The following HMGA2 variants were observed in gnomAD, a reference collection of about 807,000 sequenced individuals.
HMGA2 encodes high mobility group protein HMGI-C.
HMGA2 carries 8 observed loss-of-function variants against 19.1 expected under a neutral mutation model. That is an observed-to-expected ratio of 0.42 (90% CI 0.25 to 0.76). The LOEUF (loss-of-function observed/expected upper bound fraction) is 0.76, where lower values mean the gene tolerates loss of function less well. HMGA2 is among the 30% of genes least tolerant of loss of function. HMGA2 has a pLI of 0.28. For missense variants in HMGA2, 109 were observed against 136.3 expected (o/e 0.80, Z 1.00); for synonymous variants, 60 against 48.8 (o/e 1.23, Z -0.96).
intron 3 of HMGA2, among the ~76,000 whole-genome samples, chr12:65,848,582 T>C (rs914084683): frequency 5.3e-5 from 8 of 152,002 alleles, no homozygotes; most frequent in African/African-American, 1.9e-4. Flanking sequence ...TAAGGCCGGG[T>C]GCGGTGGCTC....
Position 65,951,407 on chromosome 12 carries a change from C to A in HMGA2, c.274C>A (p.Pro92Thr). 2 of 1,529,630 alleles carry A rather than the reference C, an allele frequency of 1.3e-6. No homozygotes were observed. Among genetic ancestry groups the A allele is most frequent in the Non-Finnish European group, 1.8e-6 (2 of 1,130,002 alleles). The allele number at this position is 1,529,630 out of a possible 1,614,324, so 94.8% of individuals were successfully genotyped here. Residue 92 changes from proline to threonine, a missense_variant, in exon 4 of 5, where the codon CCT becomes ACT. By Grantham distance (38) the Pro-to-Thr change is conservative. Coordinates refer to ENST00000403681, the MANE Select transcript of HMGA2 (RefSeq NM_003483.6). ...GCCACAACAAGTTGTTCAGAAGAAG[C>A]CTGCTCAGGTAAGACATAGTCATTA... ...KWPQQVVQKK[P>T]AQEETEETSS...
At chr12:65,897,857 A>G (rs959438614) in intron 3 of HMGA2, among the ~76,000 whole-genome samples, 5 of 151,750 alleles carry the variant, frequency 3.3e-5, no homozygotes, top group Non-Finnish European at 5.9e-5. Context: ...CAGCTACTTG[A>G]GAGGCTGAGG....
intron 3 of HMGA2, among the ~76,000 whole-genome samples, chr12:65,886,987 T>G (rs1234257022): frequency 6.6e-6 from 1 of 152,216 alleles, no homozygotes; most frequent in Non-Finnish European, 1.5e-5. Flanking sequence ...TTCTTGGGAT[T>G]AATGACTGAG....
At chr12:65,913,389 T>C (rs1874929005) in intron 3 of HMGA2, among the ~76,000 whole-genome samples, 2 of 152,164 alleles carry the variant, frequency 1.3e-5, no homozygotes, top group Non-Finnish European at 2.9e-5. Context: ...CTGAGTCCAA[T>C]AAGTGCAATC....
At chr12:65,960,278 G>A (rs75828999) in intron 4 of HMGA2, among the ~76,000 whole-genome samples, 3,035 of 152,280 alleles carry the variant, frequency 0.02, 109 homozygotes, top group African/African-American at 0.069. Context: ...CTTTGGGGAT[G>A]TCGGAGCCAG....
chr12:65,833,961 C>T (rs994045598), intron 2 of HMGA2, among the ~76,000 whole-genome samples: 1 of 152,144 alleles, frequency 6.6e-6, no homozygotes, highest in African/African-American at 2.4e-5. Context: ...GTGCTAAATG[C>T]CATAGCTTTT....
At chr12:65,856,097 T>A (rs1871728031) in intron 3 of HMGA2, 1 of 152,220 alleles carries the variant, frequency 6.6e-6, no homozygotes, top group Admixed American at 6.5e-5. Context: ...CAGCATATGC[T>A]GCTGTTGCTT....
intron 3 of HMGA2, among the ~76,000 whole-genome samples, chr12:65,936,486 C>T (rs1038503005): frequency 6.6e-6 from 1 of 152,124 alleles, no homozygotes; most frequent in Non-Finnish European, 1.5e-5. Flanking sequence ...GCCACAGAAA[C>T]GGCCAGGCTT....
intron 3 of HMGA2, among the ~76,000 whole-genome samples, chr12:65,905,889 A>G (rs1325820763): frequency 6.6e-6 from 1 of 152,226 alleles, no homozygotes; most frequent in Non-Finnish European, 1.5e-5. Flanking sequence ...AGCTAAATAT[A>G]GAGTCTCATT....
intron 3 of HMGA2, chr12:65,860,137 C>T (rs1404687664): frequency 5.1e-6 from 2 of 391,402 alleles, no homozygotes; most frequent in East Asian, 7.4e-5. Flanking sequence ...GCATTTAAGA[C>T]ATCTCACCTA....
At chr12:65,858,639 G>A (rs1410693365) in intron 3 of HMGA2, 10 of 152,062 alleles carry the variant, frequency 6.6e-5, no homozygotes, top group African/African-American at 2.4e-4. Context: ...GAATTCATGA[G>A]AGAGTTATGC....
intron 3 of HMGA2, among the ~76,000 whole-genome samples, chr12:65,893,412 A>G (rs1329222657): frequency 6.6e-6 from 1 of 152,230 alleles, no homozygotes; most frequent in African/African-American, 2.4e-5. Context: ...TTGTTTCTTC[A>G]AAGTGGTTTT....
At chr12:65,952,061 A>G in intron 4 of HMGA2, 1 of 287,618 alleles carries the variant, frequency 3.5e-6, no homozygotes, top group Non-Finnish European at 6.5e-6. Context: ...TTAAAAAAAC[A>G]TATTTATTGA....
chr12:65,928,139 A>G (rs1169581468), intron 3 of HMGA2, among the ~76,000 whole-genome samples: 1 of 152,156 alleles, frequency 6.6e-6, no homozygotes, highest in African/African-American at 2.4e-5. Flanking sequence ...CCTACTGCAC[A>G]TCTAGGCTAA....
Position 65,944,447 on chromosome 12 carries a change from C to T in HMGA2, c.250-6936C>T, listed in dbSNP as rs537852595. Among the ~76,000 whole-genome samples the T allele has an allele frequency of 1.6e-4, 24 of 152,292 alleles. No homozygotes were observed. In the South Asian group the frequency reaches 4.6e-3, roughly 29 times the overall value. ...GAACAACCACAGCATAAGCAAGAAA[C>T]TGGAACACCACACCTGGTATAGGCC... On this transcript the variant is annotated intron_variant, in intron 3 of 4. Coordinates refer to ENST00000403681, the MANE Select transcript of HMGA2 (RefSeq NM_003483.6).
intron 3 of HMGA2, among the ~76,000 whole-genome samples, chr12:65,916,189 T>C (rs1003247810): frequency 6.6e-6 from 1 of 152,214 alleles, no homozygotes. Context: ...TGGTGATCAA[T>C]GAAGCTGCAA....
At chr12:65,894,318 A>T (rs1043425897) in intron 3 of HMGA2, among the ~76,000 whole-genome samples, 2 of 152,114 alleles carry the variant, frequency 1.3e-5, no homozygotes, top group Non-Finnish European at 2.9e-5. Context: ...TTCTTTGATG[A>T]TCTATTTTCC....
At chr12:65,914,901 C>A in intron 3 of HMGA2, 2 of 870,228 alleles carry the variant, frequency 2.3e-6, no homozygotes, top group Non-Finnish European at 3.7e-6. Flanking sequence ...TCTCGAACTC[C>A]TGACCTCAGG....
chr12:65,958,985 T>A (rs1876676468), intron 4 of HMGA2: 1 of 152,228 alleles, frequency 6.6e-6, no homozygotes, highest in African/African-American at 2.4e-5. Context: ...CATTTAGAAT[T>A]CACTGGCCTC....
Sources: gnomAD v4.1 joint callset for allele counts (sites outside exome capture counted in the v4.1 genomes callset) on GRCh38, gnomAD v4.1.1 for gene constraint, MANE v1.5 for transcripts, NCBI Gene and HGNC (gene_info 2026-07-23, HGNC 2026-07-21) for gene names.